CTDSPL2: variants seen among roughly 807,000 people sequenced by gnomAD.
The protein encoded by CTDSPL2 is CTD small phosphatase-like protein 2.
A neutral mutation model predicts 60.0 loss-of-function variants in CTDSPL2; 5 were observed. The observed-to-expected ratio is 0.08, with a 90% CI of 0.04 to 0.18. The LOEUF (loss-of-function observed/expected upper bound fraction) is 0.18, where lower values mean the gene tolerates loss of function less well. Ranked by LOEUF, CTDSPL2 falls within the 10% of genes least tolerant of loss-of-function variation. The pLI is 1.00. For missense variants in CTDSPL2, 370 were observed against 548.8 expected, an observed-to-expected ratio of 0.67 and a Z score of 3.26; for synonymous variants, 186 against 189.3, an observed-to-expected ratio of 0.98 and a Z score of 0.14.
chr15:44,432,394 A>G (rs1212845706), intron 1 of CTDSPL2, among the ~76,000 whole-genome samples: 1 of 151,886 alleles, frequency 6.6e-6, no homozygotes, highest in Non-Finnish European at 1.5e-5. Flanking sequence ...ATCTTGGCTC[A>G]ATGCAACCTC....
At chr15:44,446,756 T>C (rs2080225367) in intron 1 of CTDSPL2, among the ~76,000 whole-genome samples, 1 of 630 alleles carries the variant, frequency 1.6e-3, no homozygotes, top group South Asian at 0.056. Flanking sequence ...TTGGGGAACT[T>C]TTTTTTTTTT....
intron 8 of CTDSPL2, among the ~76,000 whole-genome samples, chr15:44,508,091 T>C (rs1418396459): frequency 5.3e-5 from 8 of 151,812 alleles, no homozygotes; most frequent in African/African-American, 1.9e-4. Context: ...TTTTTTTCTT[T>C]TTTTTTTTGG....
intron 1 of CTDSPL2, among the ~76,000 whole-genome samples, chr15:44,433,330 G>GGA (rs1258180381): frequency 3.1e-5 from 2 of 63,908 alleles, no homozygotes; most frequent in South Asian, 1.1e-3. Flanking sequence ...CTGTCTCAAA[G>GGA]AAAAAAAAAA....
At chr15:44,443,184 G>A (rs758824299) in intron 1 of CTDSPL2, among the ~76,000 whole-genome samples, 5 of 152,026 alleles carry the variant, frequency 3.3e-5, no homozygotes, top group African/African-American at 7.2e-5. Flanking sequence ...CTTCTCAAAC[G>A]GAAACTCTGT....
chr15:44,464,361 A>G (rs2080640220), intron 2 of CTDSPL2, among the ~76,000 whole-genome samples: 1 of 152,176 alleles, frequency 6.6e-6, no homozygotes, highest in Admixed American at 6.5e-5. Context: ...TTAAGTGGCA[A>G]AGCTGGAGCC....
chr15:44,467,074 T>G (rs947122874), intron 2 of CTDSPL2, among the ~76,000 whole-genome samples: 10 of 152,230 alleles, frequency 6.6e-5, no homozygotes, highest in Non-Finnish European at 1.3e-4. Flanking sequence ...ATTATAATCT[T>G]ACGAGACCAC....
At chr15:44,522,079 G>A (rs2081788669) in intron 12 of CTDSPL2, among the ~76,000 whole-genome samples, 1 of 151,910 alleles carries the variant, frequency 6.6e-6, no homozygotes. Flanking sequence ...TGTCACCCAG[G>A]CTGCAATGTA....
chr15:44,474,826 A>G (rs2080883557), intron 2 of CTDSPL2, among the ~76,000 whole-genome samples: 1 of 152,188 alleles, frequency 6.6e-6, no homozygotes. Context: ...ATTGCACTCT[A>G]GCCTGGGTGA....
intron 1 of CTDSPL2, among the ~76,000 whole-genome samples, chr15:44,445,096 G>A (rs1246938048): frequency 3.3e-5 from 5 of 151,538 alleles, no homozygotes; most frequent in Non-Finnish European, 2.9e-5. Flanking sequence ...CGCCCGCCTC[G>A]GCCTCCCAGA....
At chr15:44,514,538 A>G (rs2081618070) in intron 8 of CTDSPL2, 60 bp from the exon 9 acceptor site, 1 of 1,007,628 alleles carries the variant, frequency 9.9e-7, no homozygotes, top group Admixed American at 1.8e-5. Flanking sequence ...GCACATCTTA[A>G]AAAGAAGTGG....
chr15:44,437,941 G>A (rs1486854869), intron 1 of CTDSPL2, among the ~76,000 whole-genome samples: 1 of 152,208 alleles, frequency 6.6e-6, no homozygotes, highest in African/African-American at 2.4e-5. Flanking sequence ...CACAGTGTGG[G>A]CAGGAAACTA....
intron 1 of CTDSPL2, among the ~76,000 whole-genome samples, chr15:44,445,001 G>A (rs369275848): frequency 6.6e-6 from 1 of 150,402 alleles, no homozygotes; most frequent in East Asian, 2.0e-4. Context: ...GCGCACACCT[G>A]GCTAATTTTT....
In CTDSPL2 at chr15:44,506,025, C is replaced by CTTTTTTTTTT. The variant is rs753896129; in HGVS notation, c.969+6225_969+6234dup. ...GATGAAAATTATGCTTCATTGGTAA[C>CTTTTTTTTTT]TTTTTTTTTTTTTTTTTTTTTTGAG... is the stretch of plus-strand genomic sequence containing the variant. On this transcript the variant is annotated intron_variant, in intron 8 of 12. Transcript: ENST00000260327. 1.4e-4 allele frequency among the ~76,000 whole-genome samples: 16 copies of CTTTTTTTTTT among 117,580 alleles called. 1 individual carries two copies. The South Asian group carries it at 1.7e-3, about 12-fold the overall frequency. 77.1% of individuals were successfully genotyped at this position (117,580 alleles called of 152,430 possible). A position where few individuals can be genotyped will look rare whatever the true frequency, so the allele number is the denominator to read the frequency against.
intron 8 of CTDSPL2, among the ~76,000 whole-genome samples, chr15:44,504,351 A>G (rs1226461050): frequency 6.6e-6 from 1 of 152,166 alleles, no homozygotes; most frequent in Non-Finnish European, 1.5e-5. Context: ...CTCCATCTCA[A>G]AAAAGAAAAG....
chr15:44,479,101 C>T (rs1044684524), intron 2 of CTDSPL2, among the ~76,000 whole-genome samples: 13 of 150,984 alleles, frequency 8.6e-5, no homozygotes, highest in Non-Finnish European at 1.6e-4. Flanking sequence ...CAAGTTTTCT[C>T]CCTTGCCAGG....
At chr15:44,505,595 G>A (rs1203405400) in intron 8 of CTDSPL2, among the ~76,000 whole-genome samples, 3 of 151,960 alleles carry the variant, frequency 2.0e-5, no homozygotes, top group Non-Finnish European at 2.9e-5. Flanking sequence ...TTAGCTGGGC[G>A]TGGTGGCAGG....
intron 2 of CTDSPL2, chr15:44,470,379 T>C (rs1228921598): frequency 2.0e-5 from 3 of 152,104 alleles, no homozygotes; most frequent in Non-Finnish European, 4.4e-5. Flanking sequence ...TACAGTTTTC[T>C]TACTTACTAT....
rs1413912156 is a variant in CTDSPL2 at position 44,525,746 on chromosome 15, CATTT to C, written c.*1574_*1577del. 9.0e-6 allele frequency: 3 copies of C among 334,534 alleles called. 1 individual carries two copies. The highest frequency in any genetic ancestry group is 1.6e-5 in the Non-Finnish European group (3 of 186,540). 20.7% of individuals were successfully genotyped at this position (334,534 alleles called of 1,614,324 possible). A position where few individuals can be genotyped will look rare whatever the true frequency, so the allele number is the denominator to read the frequency against. ...AAATAAGGAAATCTTTTTAGGAAAA[CATTT>C]AATTTTTGTATTTTTGATTTTAAAG... is the stretch of plus-strand genomic sequence containing the variant. On this transcript the variant is annotated 3_prime_UTR_variant, in exon 13 of 13. Coordinates refer to ENST00000260327, the MANE Select transcript of CTDSPL2 (RefSeq NM_016396.3).
At chr15:44,522,646 T>C (rs1444041529) in intron 12 of CTDSPL2, among the ~76,000 whole-genome samples, 1 of 151,772 alleles carries the variant, frequency 6.6e-6, no homozygotes, top group Non-Finnish European at 1.5e-5. Context: ...CCAGCTACTC[T>C]AGAGGCTGAG....
Sources: gnomAD v4.1 joint callset for allele counts (sites outside exome capture counted in the v4.1 genomes callset) on GRCh38, gnomAD v4.1.1 for gene constraint, MANE v1.5 for transcripts, NCBI Gene and HGNC (gene_info 2026-07-23, HGNC 2026-07-21) for gene names.